GPHN: variants seen among roughly 807,000 people sequenced by gnomAD.
GPHN encodes the protein gephyrin.
Under a neutral mutation model 95.5 loss-of-function variants are expected in GPHN, and 17 were observed. The ratio of observed to expected loss-of-function variants is 0.18; its 90% CI spans 0.12 to 0.27. GPHN has a LOEUF of 0.27. Ranked by LOEUF, GPHN falls within the 10% of genes least tolerant of loss-of-function variation. The pLI, the probability that GPHN is intolerant of heterozygous loss-of-function variation, is 1.00. For synonymous variants in GPHN, 320 were observed against 322.5 expected (o/e 0.99, Z 0.08); for missense variants, 660 against 978.1 (o/e 0.67, Z 4.34).
chr14:66,870,707 G>C (rs1199907097), intron 4 of GPHN, among the ~76,000 whole-genome samples: 1 of 152,120 alleles, frequency 6.6e-6, no homozygotes, highest in African/African-American at 2.4e-5. Context: ...CTACTGAAAG[G>C]TATTCACAAA....
chr14:66,577,042 T>A (rs2060934521), intron 1 of GPHN, among the ~76,000 whole-genome samples: 1 of 152,212 alleles, frequency 6.6e-6, no homozygotes, highest in Non-Finnish European at 1.5e-5. Context: ...AAAAATAGTC[T>A]ATAGCAGCGC....
chr14:66,517,765 C>T (rs957313642), intron 1 of GPHN, among the ~76,000 whole-genome samples: 1 of 136,686 alleles, frequency 7.3e-6, no homozygotes, highest in East Asian at 2.2e-4. Flanking sequence ...TAGAGCCCCA[C>T]CTCTTATTCT....
At chr14:67,031,974 C>G (rs1248318644) in intron 10 of GPHN, among the ~76,000 whole-genome samples, 2 of 152,020 alleles carry the variant, frequency 1.3e-5, no homozygotes, top group African/African-American at 4.8e-5. Flanking sequence ...CATAGAGACA[C>G]CAACTTAAAA....
At chr14:67,439,603 T>TCCTTC in the GPHN span, among the ~76,000 whole-genome samples, 1 of 149,884 alleles carries the variant, frequency 6.7e-6, no homozygotes, top group African/African-American at 2.5e-5. Context: ...CTTCTTTCTT[T>TCCTTC]TTTGCATCAG....
chr14:66,948,910 G>A (rs560769521), intron 8 of GPHN, among the ~76,000 whole-genome samples: 3 of 152,084 alleles, frequency 2.0e-5, no homozygotes, highest in Non-Finnish European at 2.9e-5. Context: ...CAATCCTCCC[G>A]CCTCAGCCTC....
intron 2 of GPHN, among the ~76,000 whole-genome samples, chr14:66,686,403 G>C (rs1371906867): frequency 1.3e-5 from 2 of 152,148 alleles, no homozygotes; most frequent in Non-Finnish European, 2.9e-5. Flanking sequence ...TCTTCCATTT[G>C]TTTATGTTCT....
the GPHN span, chr14:67,189,270 A>T: frequency 6.6e-6 from 1 of 152,214 alleles, no homozygotes; most frequent in Non-Finnish European, 1.5e-5. Flanking sequence ...TCAGGGCTCC[A>T]TGGGAATGCT....
intron 17 of GPHN, among the ~76,000 whole-genome samples, chr14:67,128,208 T>C (rs1481241219): frequency 1.3e-5 from 2 of 152,164 alleles, no homozygotes; most frequent in Non-Finnish European, 2.9e-5. Flanking sequence ...ATATTCTGAA[T>C]TGGCACAAAT....
chr14:67,235,138 A>C, the GPHN span, among the ~76,000 whole-genome samples: 1,583 of 141,002 alleles, frequency 0.011, 27 homozygotes, highest in African/African-American at 0.042. Context: ...CCTGGGTGAC[A>C]AGAGCAAAAC....
At chr14:67,600,232 G>A in the GPHN span, 432,535 of 1,538,044 alleles carry the variant, frequency 0.28, 63,847 homozygotes, top group Non-Finnish European at 0.31. Flanking sequence ...CCCGCACCGC[G>A]CGGCGCTGCA....
intron 2 of GPHN, among the ~76,000 whole-genome samples, chr14:66,729,343 A>G (rs756887343): frequency 7.2e-5 from 11 of 152,160 alleles, no homozygotes; most frequent in Non-Finnish European, 1.6e-4. Context: ...TTCTAGTCCA[A>G]AGTATTTCAG....
downstream of GPHN, among the ~76,000 whole-genome samples, chr14:67,185,031 G>A (rs2083361671): frequency 1.3e-5 from 2 of 152,162 alleles, no homozygotes; most frequent in African/African-American, 4.8e-5. Flanking sequence ...TATTGATAAG[G>A]CAATTATTTG....
intron 4 of GPHN, among the ~76,000 whole-genome samples, chr14:66,829,801 G>A (rs1481708259): frequency 6.6e-6 from 1 of 152,092 alleles, no homozygotes; most frequent in Admixed American, 6.6e-5. Context: ...TGTGTTCAGT[G>A]CCATGCTTGG....
chr14:67,709,614 T>C, the GPHN span, among the ~76,000 whole-genome samples: 1 of 152,216 alleles, frequency 6.6e-6, no homozygotes, highest in Non-Finnish European at 1.5e-5. Context: ...ATCTCTTCTG[T>C]GATAGTCCCT....
chr14:66,672,587 G>A (rs1004206336), intron 1 of GPHN, among the ~76,000 whole-genome samples: 11 of 152,044 alleles, frequency 7.2e-5, no homozygotes, highest in African/African-American at 1.7e-4. Flanking sequence ...TTAATGTTCC[G>A]TTGTTAGGTG....
chr14:67,444,251 C>T, the GPHN span, among the ~76,000 whole-genome samples: 1 of 152,168 alleles, frequency 6.6e-6, no homozygotes, highest in Non-Finnish European at 1.5e-5. Flanking sequence ...GTGTCATGGG[C>T]ATGCATCCTC....
At chr14:67,720,871 ACT>A in the GPHN span, 2 of 152,106 alleles carry the variant, frequency 1.3e-5, no homozygotes, top group African/African-American at 4.8e-5. Flanking sequence ...GTTCTTAAGG[ACT>A]CTCTGCTTCC....
intron 1 of GPHN, among the ~76,000 whole-genome samples, chr14:66,543,256 G>T (rs1337287792): frequency 1.3e-5 from 2 of 152,050 alleles, no homozygotes; most frequent in Non-Finnish European, 2.9e-5. Context: ...TATCATCACT[G>T]AATTGAAACT....
At chr14:66,725,883 T>TA (rs1289186792) in intron 2 of GPHN, among the ~76,000 whole-genome samples, 2 of 152,192 alleles carry the variant, frequency 1.3e-5, no homozygotes, top group Non-Finnish European at 2.9e-5. Flanking sequence ...AAAAAATCAG[T>TA]AAAAAACTGA....
Sources: allele counts gnomAD v4.1 joint callset (sites outside exome capture counted in the v4.1 genomes callset), GRCh38; gene constraint gnomAD v4.1.1; transcripts MANE v1.5; gene names NCBI Gene and HGNC (gene_info 2026-07-23, HGNC 2026-07-21).